The following HACD3 variants were observed in gnomAD, a reference collection of about 807,000 sequenced individuals.
HACD3 encodes 3-hydroxyacyl-CoA dehydratase 3.
HACD3 carries 30 observed loss-of-function variants against 55.2 expected under a neutral mutation model. The ratio of observed to expected loss-of-function variants is 0.54; its 90% CI spans 0.41 to 0.74. HACD3 has a LOEUF of 0.74. Ranked by LOEUF, HACD3 falls within the 30% of genes least tolerant of loss-of-function variation. HACD3 has a pLI of 0.00. For synonymous variants in HACD3, 141 were observed against 151.7 expected (o/e 0.93, Z 0.52); for missense variants, 363 against 440.1 (o/e 0.82, Z 1.57).
At chr15:65,560,538 C>T (rs1596214501) in intron 5 of HACD3, among the ~76,000 whole-genome samples, 1 of 152,280 alleles carries the variant, frequency 6.6e-6, no homozygotes, top group East Asian at 1.9e-4. Flanking sequence ...TGGCTCATGC[C>T]TCTAATCCCA....
At chr15:65,576,194 CT>C (rs2072399181) in intron 10 of HACD3, 108 bp from the exon 11 acceptor site, 1 of 1,485,466 alleles carries the variant, frequency 6.7e-7, no homozygotes, top group Non-Finnish European at 9.0e-7. Flanking sequence ...CTGCAATAAG[CT>C]TTTTGCTGTG....
In HACD3 at chr15:65,558,726, C is replaced by T. The variant is rs2072217857; in HGVS notation, c.416C>T (p.Pro139Leu). 2 of 1,600,942 alleles carry T rather than the reference C, an allele frequency of 1.2e-6. No individual in the cohort carries two copies. The highest frequency in any genetic ancestry group is 1.1e-5 in the South Asian group (1 of 88,358). The change falls in exon 5 of 11, where the codon CCT becomes CTT. Residue 139 changes from proline to leucine, a missense_variant. Transcript: ENST00000261875. ...CTCCGACTGGAAAGCGAAGGCTCTC[C>T]TGAAAGTAAGTTGTGCTGCTGCCAT... Reference protein sequence around the residue: ...NKLRLESEGSPETLTNLRKGY... With the variant: ...NKLRLESEGSLETLTNLRKGY...
intron 1 of HACD3, among the ~76,000 whole-genome samples, chr15:65,533,683 A>G (rs2071925270): frequency 6.7e-6 from 1 of 149,338 alleles, no homozygotes; most frequent in Admixed American, 6.7e-5. Flanking sequence ...TTCTTTCTCA[A>G]CTGATTGCTC....
At chr15:65,573,802 G>T (rs888970042) in intron 10 of HACD3, among the ~76,000 whole-genome samples, 2 of 152,002 alleles carry the variant, frequency 1.3e-5, no homozygotes, top group African/African-American at 4.8e-5. Flanking sequence ...ATCGATTTTA[G>T]TATGACAACT....
chr15:65,563,980 A>G (rs566217176), intron 6 of HACD3, among the ~76,000 whole-genome samples: 12 of 151,958 alleles, frequency 7.9e-5, no homozygotes, highest in African/African-American at 2.4e-4. Context: ...AAAAAAAAAA[A>G]GAGAAAGGCA....
intron 1 of HACD3, among the ~76,000 whole-genome samples, chr15:65,535,288 C>T (rs1379441675): frequency 6.6e-6 from 1 of 152,152 alleles, no homozygotes; most frequent in Non-Finnish European, 1.5e-5. Flanking sequence ...ATTTGCAGTG[C>T]ATATCATTGA....
intron 4 of HACD3, 99 bp from the exon 5 acceptor site, chr15:65,558,581 G>T (rs1366452608): frequency 6.1e-6 from 7 of 1,148,032 alleles, no homozygotes; most frequent in Non-Finnish European, 9.0e-6. Context: ...TGGAGGAGTT[G>T]GCTTTGAGGG....
At chr15:65,563,710 C>T (rs942531370) in intron 6 of HACD3, among the ~76,000 whole-genome samples, 3 of 152,062 alleles carry the variant, frequency 2.0e-5, no homozygotes, top group Non-Finnish European at 4.4e-5. Flanking sequence ...GTGGCTCACG[C>T]CTGTAATCCC....
At position 65,562,776 on chromosome 15, in the gene HACD3, C is replaced by T. The variant is rs1176638861; in HGVS notation, c.424C>T (p.Leu142Phe). 2 of 1,613,348 alleles carry T rather than the reference C, an allele frequency of 1.2e-6. No individual in the cohort carries two copies. The highest frequency in any genetic ancestry group is 2.7e-5 in the African/African-American group (2 of 74,876). ...TACTGCTTTGCTTTGCTTTACAGCT[C>T]TTACAAACTTAAGGAAAGGATACCT... ...RLESEGSPET[L>F]TNLRKGYLFM... The change falls in exon 6 of 11, where the codon CTT becomes TTT. Residue 142 changes from leucine to phenylalanine, a missense_variant and splice_region_variant. Leu to Phe is a conservative substitution (Grantham distance 22). Coordinates refer to ENST00000261875, the MANE Select transcript of HACD3 (RefSeq NM_016395.4).
At position 65,562,685 on chromosome 15, in the gene HACD3, G is replaced by C. The variant is rs1596215444; in HGVS notation, c.422-89G>C. On this transcript the variant is annotated intron_variant, in intron 5 of 10. Coordinates refer to ENST00000261875, the MANE Select transcript of HACD3 (RefSeq NM_016395.4). ...CTTAGGAGCATTCAGGAAGGAAAAA[G>C]GGTTGAAGTCATCCAGATATGCCTC... 21 of 1,508,264 alleles carry C rather than the reference G, an allele frequency of 1.4e-5. No homozygotes were observed. The East Asian group carries it at 5.1e-4, about 37-fold the overall frequency. 93.4% of individuals were successfully genotyped at this position (1,508,264 alleles called of 1,614,324 possible).
intron 1 of HACD3, among the ~76,000 whole-genome samples, chr15:65,550,379 AAAAG>A (rs1460325931): frequency 3.3e-5 from 5 of 152,152 alleles, no homozygotes; most frequent in East Asian, 1.9e-4. Flanking sequence ...TTTTTCAAAA[AAAAG>A]AAAGAAAATA....
At chr15:65,548,011 TGAGGAG>T (rs762822486) in intron 1 of HACD3, among the ~76,000 whole-genome samples, 1 of 151,802 alleles carries the variant, frequency 6.6e-6, no homozygotes, top group Non-Finnish European at 1.5e-5. Context: ...GATGTTAGGG[TGAGGAG>T]GAGAGAACAG....
chr15:65,567,359 G>A (rs995495937), intron 7 of HACD3, among the ~76,000 whole-genome samples: 24 of 152,090 alleles, frequency 1.6e-4, no homozygotes, highest in African/African-American at 5.6e-4. Context: ...GATAGTTTGT[G>A]TTGTAGATTA....
Position 65,572,272 on chromosome 15 carries a change from G to T in HACD3, c.918G>T (p.Glu306Asp), listed in dbSNP as rs1401304147. The change falls in exon 10 of 11, where the codon GAG becomes GAT. Residue 306 changes from glutamate (E) to aspartate (D), a missense_variant. Coordinates refer to ENST00000261875, the MANE Select transcript of HACD3 (RefSeq NM_016395.4). ...TTCAGTCCATTCCAATATTCAATGA[G>T]ACCGGACGATTCAGTTTCACATTGC... ...SVIQSIPIFN[E>D]TGRFSFTLPY... is the part of the protein sequence containing the mutation. 11 of 1,613,094 alleles carry T rather than the reference G, an allele frequency of 6.8e-6. No individual in the cohort carries two copies. Among genetic ancestry groups the T allele is most frequent in the Non-Finnish European group, 9.3e-6 (11 of 1,179,762 alleles).
At chr15:65,572,441 A>G (rs1265289954) in intron 10 of HACD3, 75 bp downstream of exon 10, 5 of 1,404,782 alleles carry the variant, frequency 3.6e-6, no homozygotes, top group Admixed American at 2.9e-5. Context: ...TCAGAAATGT[A>G]AAAGTCCATA....
At chr15:65,534,952 G>C (rs1157644860) in intron 1 of HACD3, among the ~76,000 whole-genome samples, 1 of 152,188 alleles carries the variant, frequency 6.6e-6, no homozygotes, top group East Asian at 1.9e-4. Flanking sequence ...GAGCCTATTA[G>C]CAGACCTATT....
chr15:65,538,280 G>A (rs574300717), intron 1 of HACD3, among the ~76,000 whole-genome samples: 1 of 152,246 alleles, frequency 6.6e-6, no homozygotes, highest in East Asian at 1.9e-4. Context: ...ATACCATTAA[G>A]ATCATTTGTG....
At chr15:65,558,008 T>C (rs1431960255) in intron 4 of HACD3, among the ~76,000 whole-genome samples, 1 of 151,422 alleles carries the variant, frequency 6.6e-6, no homozygotes, top group East Asian at 1.9e-4. Flanking sequence ...TTATCTTGCA[T>C]GTATGTTTCC....
At chr15:65,534,281 G>C (rs1375996540) in intron 1 of HACD3, 1 of 152,234 alleles carries the variant, frequency 6.6e-6, no homozygotes, top group Non-Finnish European at 1.5e-5. Flanking sequence ...CATTGGCTCT[G>C]TCTCCCTCCA....
Sources: gnomAD v4.1 joint callset for allele counts (sites outside exome capture counted in the v4.1 genomes callset) on GRCh38, gnomAD v4.1.1 for gene constraint, MANE v1.5 for transcripts, NCBI Gene and HGNC (gene_info 2026-07-23, HGNC 2026-07-21) for gene names.